Variants in PRSS54 observed in about 807,000 individuals in gnomAD.
PRSS54 encodes inactive serine protease 54.
PRSS54 carries 16 observed loss-of-function variants against 19.9 expected under a neutral mutation model. The ratio of observed to expected loss-of-function variants is 0.80; its 90% CI spans 0.54 to 1.22. The LOEUF (loss-of-function observed/expected upper bound fraction) is 1.22, where lower values mean the gene tolerates loss of function less well. Ranked by LOEUF, PRSS54 falls within the 50% of genes most tolerant of loss-of-function variation. PRSS54 has a pLI of 0.00. For missense variants in PRSS54, 444 were observed against 494.8 expected (o/e 0.90, Z 0.97); for synonymous variants, 177 against 195.8 (o/e 0.90, Z 0.80).
In PRSS54 at chr16:58,280,028, C is replaced by G. The variant is rs1057180222; in HGVS notation, c.*196G>C. On this transcript the variant is annotated 3_prime_UTR_variant, in exon 7 of 7. Transcript: ENST00000567164. ...GACACTTGTTAGCCAGCATTTAGTT[C>G]ACAAGCATAGTGAAAGTGACCTTCC... 20 of 640,208 alleles carry G rather than the reference C, an allele frequency of 3.1e-5. No individual in the cohort carries two copies. The Admixed American group carries it at 5.6e-4, about 18-fold the overall frequency. The allele number at this position is 640,208 out of a possible 1,614,324, so 39.7% of individuals were successfully genotyped here. A position where few individuals can be genotyped will look rare whatever the true frequency, so the allele number is the denominator to read the frequency against.
intron 4 of PRSS54, among the ~76,000 whole-genome samples, chr16:58,288,927 G>A (rs1964977059): frequency 6.6e-6 from 1 of 152,226 alleles, no homozygotes; most frequent in African/African-American, 2.4e-5. Context: ...CATTGTGGGT[G>A]TGTCGGGAGT....
chr16:58,284,603 T>C lies in PRSS54; in HGVS notation c.641A>G (p.Lys214Arg), dbSNP rs1003377558. Residue 214 changes from lysine (K) to arginine (R), a missense_variant, in exon 6 of 7, where the codon AAG (lysine) becomes AGG (arginine). Coordinates refer to ENST00000567164, the MANE Select transcript of PRSS54 (RefSeq NM_001305173.2). The stretch of plus-strand genomic sequence containing the variant: ...TGATGTTCTTACCAAGCAGGCAGTC[T>C]TGGTTTCCTCTTTCGTGTGGCTGCC... Reference protein sequence around the residue: ...ECGSHTKEETKTACLGDPGSP... With the variant: ...ECGSHTKEETRTACLGDPGSP... The C allele has an allele frequency of 1.5e-5, 25 of 1,613,870 alleles. No individual in the cohort carries two copies. The East Asian group carries it at 2.2e-4, about 14-fold the overall frequency.
chr16:58,291,127 A>T lies in PRSS54; in HGVS notation c.95T>A (p.Val32Asp). ...GLLYSSTSCG[V>D]QKASVFYGPD... ...ACCGTAGAAAACGGAAGCTTTCTGG[A>T]CGCCACAACCTGCGGAGCAGGTGCG... The change falls in exon 4 of 7, where the codon GTC becomes GAC. Residue 32 changes from valine to aspartate, a missense_variant. Val to Asp is a radical substitution (Grantham distance 152). Coordinates refer to ENST00000567164, the MANE Select transcript of PRSS54 (RefSeq NM_001305173.2). 2 of 1,613,942 alleles carry T rather than the reference A, an allele frequency of 1.2e-6. No homozygotes were observed. Among genetic ancestry groups the T allele is most frequent in the Middle Eastern group, 1.6e-4 (1 of 6,062 alleles).
At chr16:58,284,414 C>T in intron 6 of PRSS54, 176 bp downstream of exon 6, 1 of 612,954 alleles carries the variant, frequency 1.6e-6, no homozygotes, top group Non-Finnish European at 2.8e-6. Flanking sequence ...GTTCATTCAG[C>T]AGATTTTTAT....
intron 1 of PRSS54, among the ~76,000 whole-genome samples, chr16:58,294,616 G>T (rs544604334): frequency 6.6e-6 from 1 of 152,248 alleles, no homozygotes; most frequent in South Asian, 2.1e-4. Flanking sequence ...CTGACCTCAG[G>T]TGATCCACCC....
intron 4 of PRSS54, 58 bp from the exon 5 acceptor site, chr16:58,286,253 C>T: frequency 6.3e-7 from 1 of 1,583,070 alleles, no homozygotes; most frequent in Non-Finnish European, 8.6e-7. Context: ...CTTCACGCTT[C>T]CCTGTTTTCC....
intron 5 of PRSS54, among the ~76,000 whole-genome samples, chr16:58,285,617 C>G (rs1289356380): frequency 2.0e-5 from 3 of 151,338 alleles, no homozygotes; most frequent in Non-Finnish European, 4.4e-5. Context: ...TGACATGTGC[C>G]TGTAGTCCCA....
chr16:58,289,842 G>T (rs1964998883), intron 4 of PRSS54, among the ~76,000 whole-genome samples: 2 of 151,996 alleles, frequency 1.3e-5, no homozygotes, highest in African/African-American at 2.4e-5. Context: ...CTCCCAAAGT[G>T]CTGGGATTAC....
At chr16:58,293,583 C>T (rs1340512099) in intron 3 of PRSS54, 149 bp downstream of exon 3, 1 of 1,477,568 alleles carries the variant, frequency 6.8e-7, no homozygotes, top group Non-Finnish European at 9.0e-7. Context: ...TGGTTCCTGC[C>T]ACCAATGCAG....
chr16:58,284,744 C>G, intron 5 of PRSS54, 23 bp from the exon 6 acceptor site: 1 of 1,613,272 alleles, frequency 6.2e-7, no homozygotes, highest in Non-Finnish European at 8.5e-7. Flanking sequence ...ACAGAGAGCC[C>G]AGGGATTATT....
chr16:58,281,092 G>C (rs576979057), intron 6 of PRSS54: 4 of 277,460 alleles, frequency 1.4e-5, no homozygotes, highest in Non-Finnish European at 2.7e-5. Context: ...GTTTGTTTCT[G>C]TTTTGTCCTG....
chr16:58,293,143 C>T (rs1376934785), intron 3 of PRSS54, among the ~76,000 whole-genome samples: 1 of 151,546 alleles, frequency 6.6e-6, no homozygotes, highest in Non-Finnish European at 1.5e-5. Flanking sequence ...TCATGTCTCC[C>T]TTCTAACCCC....
Position 58,293,063 on chromosome 16 carries a change from G to A in PRSS54, c.85+669C>T, listed in dbSNP as rs77833081. On this transcript the variant is annotated intron_variant, in intron 3 of 6. Transcript: ENST00000567164. Reference sequence around the variant, plus strand: ...CGTGTATGTGTGTGCAAGTGTGTGAGTGTGTGTGCATGTGTGTGTTTGAGA... The same window carrying A: ...CGTGTATGTGTGTGCAAGTGTGTGAATGTGTGTGCATGTGTGTGTTTGAGA... 2.0e-4 allele frequency among the ~76,000 whole-genome samples: 30 copies of A among 151,972 alleles called. 1 individual carries two copies. Among genetic ancestry groups the A allele is most frequent in the African/African-American group, 6.5e-4 (27 of 41,368 alleles).
chr16:58,292,475 A>C (rs1036786030), intron 3 of PRSS54, among the ~76,000 whole-genome samples: 16 of 152,332 alleles, frequency 1.1e-4, no homozygotes, highest in East Asian at 1.9e-4. Flanking sequence ...TATGAGCCCC[A>C]AAAACAGTTT....
intron 6 of PRSS54, 128 bp downstream of exon 6, chr16:58,284,462 A>G: frequency 2.0e-6 from 2 of 1,023,236 alleles, no homozygotes; most frequent in Non-Finnish European, 2.9e-6. Flanking sequence ...TTCACTCCAG[A>G]GACAGCCACT....
At position 58,294,923 on chromosome 16, in the gene PRSS54, C is replaced by T. The variant is rs549619959; in HGVS notation, c.-268G>A. 2.9e-4 allele frequency: 44 copies of T among 152,910 alleles called. No individual in the cohort carries two copies. The highest frequency in any genetic ancestry group is 2.6e-3 in the Admixed American group (40 of 15,300). 9.5% of individuals were successfully genotyped at this position (152,910 alleles called of 1,614,324 possible). A position where few individuals can be genotyped will look rare whatever the true frequency, so the allele number is the denominator to read the frequency against. On this transcript the variant is annotated 5_prime_UTR_variant, in exon 1 of 7. Transcript: ENST00000567164. ...CATGACACTGGATGCCTCTTGTCCT[C>T]AGAATGGTCCTCAGAGTTCGTCCAT...
Position 58,294,016 on chromosome 16 carries a change from G to A in PRSS54, c.-38C>T, listed in dbSNP as rs1965095065. Reference sequence around the variant, plus strand: ...TATCCCTAGTGCTTGGTTCTGTGTGGTAAAGAGGCAGGACCAGTTGGCCCG... The same window carrying A: ...TATCCCTAGTGCTTGGTTCTGTGTGATAAAGAGGCAGGACCAGTTGGCCCG... On this transcript the variant is annotated 5_prime_UTR_variant, in exon 2 of 7. Coordinates refer to ENST00000567164, the MANE Select transcript of PRSS54 (RefSeq NM_001305173.2). 3.4e-6 allele frequency: 2 copies of A among 592,154 alleles called. No homozygotes were observed. Among genetic ancestry groups the A allele is most frequent in the African/African-American group, 3.7e-5 (2 of 53,814 alleles). 36.7% of individuals were successfully genotyped at this position (592,154 alleles called of 1,614,324 possible). A position where few individuals can be genotyped will look rare whatever the true frequency, so the allele number is the denominator to read the frequency against.
intron 5 of PRSS54, among the ~76,000 whole-genome samples, chr16:58,285,035 G>A (rs78763347): frequency 0.1 from 15,727 of 152,024 alleles, 901 homozygotes; most frequent in Admixed American, 0.13. Context: ...GGCTGGTCTC[G>A]AACTCCTGAC....
At position 58,280,512 on chromosome 16, in the gene PRSS54, T is replaced by C. The variant is rs779124663; in HGVS notation, c.900A>G (p.Thr300=). Residue 300 remains threonine (T), a synonymous_variant, in exon 7 of 7, where the codon ACA becomes ACG. Transcript: ENST00000567164. ...HGPNATMTQK[T]YSDSELGHVG... is the part of the protein sequence containing the mutation. ...CATGGCCCAGTTCAGAATCAGAATATGTCTTCTGTGTCATGGTGGCATTTG... is the reference window on the plus strand; with the variant it reads ...CATGGCCCAGTTCAGAATCAGAATACGTCTTCTGTGTCATGGTGGCATTTG... 1.1e-5 allele frequency: 17 copies of C among 1,614,218 alleles called. No homozygotes were observed. The highest frequency in any genetic ancestry group is 1.6e-4 in the Middle Eastern group (1 of 6,062).
Sources: allele counts gnomAD v4.1 joint callset (sites outside exome capture counted in the v4.1 genomes callset), GRCh38; gene constraint gnomAD v4.1.1; transcripts MANE v1.5; gene names NCBI Gene and HGNC (gene_info 2026-07-23, HGNC 2026-07-21).